ZNF107: variants seen among roughly 807,000 people sequenced by gnomAD.
ZNF107 encodes the protein C2H2 type zinc-finger protein.
In ZNF107, 19 loss-of-function variants were observed where a neutral mutation model predicts 12.3. The observed-to-expected ratio is 1.55, with a 90% CI of 1.08 to 2.27. ZNF107 has a LOEUF of 2.27. Among genes scored for constraint, ZNF107 ranks in the 30% most tolerant of loss-of-function variants. The pLI is 0.00. For missense variants in ZNF107, 958 were observed against 979.9 expected, an observed-to-expected ratio of 0.98 and a Z score of 0.30; for synonymous variants, 317 against 330.5, an observed-to-expected ratio of 0.96 and a Z score of 0.44.
chr7:64,686,697 AG>A, intron 1 of ZNF107: 2 of 956,582 alleles, frequency 2.1e-6, no homozygotes, highest in Non-Finnish European at 2.5e-6. Context: ...AAACCACAAA[AG>A]AAGAACAACG....
At chr7:64,691,008 G>T (rs985010747) in intron 1 of ZNF107, among the ~76,000 whole-genome samples, 2 of 152,148 alleles carry the variant, frequency 1.3e-5, no homozygotes, top group African/African-American at 2.4e-5. Context: ...AAAGTGCTGG[G>T]ATTACAGGCG....
chr7:64,691,856 A>G lies in ZNF107; in HGVS notation c.131-9A>G. 1 of 1,394,134 alleles carries G rather than the reference A, an allele frequency of 7.2e-7. No individual in the cohort carries two copies. Among genetic ancestry groups the G allele is most frequent in the South Asian group, 1.7e-5 (1 of 58,224 alleles). 86.4% of individuals were successfully genotyped at this position (1,394,134 alleles called of 1,614,324 possible). A position where few individuals can be genotyped will look rare whatever the true frequency, so the allele number is the denominator to read the frequency against. On this transcript the variant is annotated splice_polypyrimidine_tract_variant and intron_variant, in intron 2 of 3. Coordinates refer to ENST00000620827, the MANE Select transcript of ZNF107 (RefSeq NM_001282359.2). ...GATTCATGTTATATATTTATTTTCA[A>G]TAAAACAGGTATTGCTGTCTCTAAG...
chr7:64,701,067 A>G (rs889547116), intron 3 of ZNF107, among the ~76,000 whole-genome samples: 1 of 152,202 alleles, frequency 6.6e-6, no homozygotes, highest in South Asian at 2.1e-4. Flanking sequence ...ACATGTACAT[A>G]TAGATAAATA....
chr7:64,690,361 T>C, intron 1 of ZNF107: 2 of 985,374 alleles, frequency 2.0e-6, no homozygotes, highest in Non-Finnish European at 2.4e-6. Context: ...CCAGCTGCAG[T>C]TCTGTTCAGA....
chr7:64,706,667 G>A lies in ZNF107; in HGVS notation c.570G>A (p.Gln190=), dbSNP rs1367470744. The part of the protein sequence containing the change: ...KSFCVLSQLT[Q]HRRIHTRVNS... ...TTTGCGTGCTTTCACAACTAACTCA[G>A]CATAGAAGAATTCATACTAGAGTGA... Residue 190 remains glutamine, a synonymous_variant, in exon 4 of 4, where the codon CAG becomes CAA. Transcript: ENST00000620827. The A allele has an allele frequency of 6.2e-7, 1 of 1,613,194 alleles. No homozygotes were observed. Among genetic ancestry groups the A allele is most frequent in the Non-Finnish European group, 8.5e-7 (1 of 1,179,618 alleles).
rs957013538 is a variant in ZNF107, at chr7:64,666,212, C to A, written c.-71C>A. 3.1e-6 allele frequency: 5 copies of A among 1,589,774 alleles called. No homozygotes were observed. The highest frequency in any genetic ancestry group is 4.3e-6 in the Non-Finnish European group (5 of 1,163,458). On this transcript the variant is annotated 5_prime_UTR_variant, in exon 1 of 4. In the 5' UTR this introduces an upstream ATG that the reference lacks. Coordinates refer to ENST00000620827, the MANE Select transcript of ZNF107 (RefSeq NM_001282359.2). Reference sequence around the variant, plus strand: ...TCCTCTGCTCCTAGAGGCCCAGCCTCTGTGTCCCTGTGACCTGCAGATATT... The same window carrying A: ...TCCTCTGCTCCTAGAGGCCCAGCCTATGTGTCCCTGTGACCTGCAGATATT...
At chr7:64,673,915 A>G (rs1789325670) in intron 1 of ZNF107, among the ~76,000 whole-genome samples, 2 of 152,044 alleles carry the variant, frequency 1.3e-5, no homozygotes, top group African/African-American at 4.8e-5. Context: ...ATTGTGTTGC[A>G]CTGGTCTATT....
intron 1 of ZNF107, among the ~76,000 whole-genome samples, chr7:64,677,468 C>T (rs370474327): frequency 7.0e-4 from 19 of 27,124 alleles, no homozygotes; most frequent in African/African-American, 2.8e-3. Context: ...CACCGCACCT[C>T]GCCGGATTTT....
rs1458446826 is a variant in ZNF107, at chr7:64,687,957, C to G, written c.4-3291C>G. On this transcript the variant is annotated intron_variant, in intron 1 of 3. Transcript: ENST00000620827. ...CAACCAAGCTTTAATCCAGAGGAGG[C>G]TTTTCCTTTCAGGCTTCCAGTCAAC... is the stretch of plus-strand genomic sequence containing the variant. Among the ~76,000 whole-genome samples the G allele has an allele frequency of 1.3e-5, 2 of 152,164 alleles. 1 individual carries two copies. Among genetic ancestry groups the G allele is most frequent in the Non-Finnish European group, 2.9e-5 (2 of 68,022 alleles).
At chr7:64,669,085 G>A (rs1451309053) in intron 1 of ZNF107, 2 of 125,646 alleles carry the variant, frequency 1.6e-5, no homozygotes, top group Admixed American at 1.1e-4. Context: ...GTGCGATCTC[G>A]GCTCACTGAA....
intron 1 of ZNF107, among the ~76,000 whole-genome samples, chr7:64,671,482 A>G (rs1789219047): frequency 6.6e-6 from 1 of 152,052 alleles, no homozygotes; most frequent in Non-Finnish European, 1.5e-5. Flanking sequence ...TGCTCTCTCC[A>G]CCAACCAAGG....
At chr7:64,668,502 A>G (rs1789095421) in intron 1 of ZNF107, among the ~76,000 whole-genome samples, 1 of 151,052 alleles carries the variant, frequency 6.6e-6, no homozygotes, top group African/African-American at 2.4e-5. Flanking sequence ...TTTTCTAATC[A>G]GCCCCGCCAC....
intron 1 of ZNF107, among the ~76,000 whole-genome samples, chr7:64,689,155 C>T (rs1359226422): frequency 6.6e-6 from 1 of 152,100 alleles, no homozygotes; most frequent in African/African-American, 2.4e-5. Context: ...CTAGAGCAGC[C>T]TCTATGAGGC....
At chr7:64,673,846 A>C (rs934814423) in intron 1 of ZNF107, among the ~76,000 whole-genome samples, 2 of 152,228 alleles carry the variant, frequency 1.3e-5, no homozygotes, top group Non-Finnish European at 2.9e-5. Context: ...CGCATTCCTC[A>C]TGTCAGCTTT....
intron 1 of ZNF107, among the ~76,000 whole-genome samples, chr7:64,678,674 T>G (rs1425615905): frequency 6.6e-6 from 1 of 152,194 alleles, no homozygotes; most frequent in African/African-American, 2.4e-5. Flanking sequence ...TACACTAAAA[T>G]TATTTATACT....
Position 64,706,455 on chromosome 7 carries a change from G to T in ZNF107, c.358G>T (p.Val120Leu). 6.2e-7 allele frequency: 1 copy of T among 1,613,776 alleles called. No individual in the cohort carries two copies. The highest frequency in any genetic ancestry group is 8.5e-7 in the Non-Finnish European group (1 of 1,179,800). ...ACAGTTAAGAAAAGGCTGTAAACAT[G>T]TGGATGAGTGTACGGGGCACAAAGG... Reference protein sequence around the residue: ...NLQLRKGCKHVDECTGHKGGH... With the variant: ...NLQLRKGCKHLDECTGHKGGH... Residue 120 changes from valine (V) to leucine (L), a missense_variant, in exon 4 of 4, where the codon GTG (valine) becomes TTG (leucine). Coordinates refer to ENST00000620827, the MANE Select transcript of ZNF107 (RefSeq NM_001282359.2).
intron 1 of ZNF107, among the ~76,000 whole-genome samples, chr7:64,667,850 G>A (rs567617595): frequency 6.6e-6 from 1 of 151,800 alleles, no homozygotes; most frequent in East Asian, 1.9e-4. Flanking sequence ...TACATTGCTG[G>A]TCAGCCAATC....
Position 64,690,846 on chromosome 7 carries a change from A to G in ZNF107, c.4-402A>G, listed in dbSNP as rs932984913. Reference sequence around the variant, plus strand: ...AGCTTTTGCCTCCCGGGTTCCAGCAATTCTCCTGCCTTAGCCTCCCTAGTA... The same window carrying G: ...AGCTTTTGCCTCCCGGGTTCCAGCAGTTCTCCTGCCTTAGCCTCCCTAGTA... On this transcript the variant is annotated intron_variant, in intron 1 of 3. Transcript: ENST00000620827. Among the ~76,000 whole-genome samples the G allele has an allele frequency of 2.6e-5, 4 of 152,036 alleles. No homozygotes were observed. The South Asian group carries it at 6.2e-4, about 24-fold the overall frequency.
Position 64,683,836 on chromosome 7 carries a change from CAA to C in ZNF107, c.4-7407_4-7406del, listed in dbSNP as rs147683888. On this transcript the variant is annotated intron_variant, in intron 1 of 3. Coordinates refer to ENST00000620827, the MANE Select transcript of ZNF107 (RefSeq NM_001282359.2). ...TTGACTTCACTCATATGCCTCGTGTCAAAAAATATAAGTACCTCCTAGTTTGG... is the reference window on the plus strand; with the variant it reads ...TTGACTTCACTCATATGCCTCGTGTCAAAATATAAGTACCTCCTAGTTTGG... 8.3e-3 allele frequency among the ~76,000 whole-genome samples: 1,267 copies of C among 152,290 alleles called. 16 individuals are homozygous for C. The highest frequency in any genetic ancestry group is 0.028 in the African/African-American group (1,162 of 41,562).
Sources: gnomAD v4.1 joint callset for allele counts (sites outside exome capture counted in the v4.1 genomes callset) on GRCh38, gnomAD v4.1.1 for gene constraint, MANE v1.5 for transcripts, NCBI Gene and HGNC (gene_info 2026-07-23, HGNC 2026-07-21) for gene names.